LAMA2: variants seen among roughly 807,000 people sequenced by gnomAD.
The protein encoded by LAMA2 is laminin subunit alpha 2, also known as laminin subunit alpha-2.
Under a neutral mutation model 364.8 loss-of-function variants are expected in LAMA2, and 269 were observed. The ratio of observed to expected loss-of-function variants is 0.74; its 90% CI spans 0.67 to 0.82. The LOEUF is 0.82. Among genes scored for constraint, LAMA2 ranks in the 40% least tolerant of loss-of-function variants. The probability of loss-of-function intolerance (pLI) is 0.00; values close to 1 mark genes in which losing one functional copy is unlikely to be tolerated. For synonymous variants in LAMA2, 1,379 were observed against 1,370.6 expected (o/e 1.01, Z -0.14); for missense variants, 3,807 against 3,873.2 (o/e 0.98, Z 0.45).
At chr6:129,258,209 G>A (rs545345714) in intron 14 of LAMA2, among the ~76,000 whole-genome samples, 17 of 152,036 alleles carry the variant, frequency 1.1e-4, no homozygotes, top group South Asian at 1.0e-3. Flanking sequence ...TCAAAACCCC[G>A]TTGTGTTAAG....
At chr6:129,218,257 CTT>C (rs1017452214) in intron 12 of LAMA2, among the ~76,000 whole-genome samples, 1 of 152,088 alleles carries the variant, frequency 6.6e-6, no homozygotes, top group African/African-American at 2.4e-5. Context: ...TTCTTCTAGA[CTT>C]TTAATTTCTT....
At chr6:129,175,447 A>G (rs1164634610) in intron 9 of LAMA2, among the ~76,000 whole-genome samples, 1 of 152,236 alleles carries the variant, frequency 6.6e-6, no homozygotes, top group Non-Finnish European at 1.5e-5. Context: ...TGAGTCTTAG[A>G]AGTTTTGTTT....
intron 40 of LAMA2, among the ~76,000 whole-genome samples, chr6:129,424,462 A>G (rs1199945505): frequency 1.3e-5 from 2 of 152,068 alleles, no homozygotes; most frequent in African/African-American, 2.4e-5. Context: ...CTAGTAGAAT[A>G]TATTTCCAAA....
chr6:129,459,819 CATAA>C (rs1222270243), intron 48 of LAMA2, among the ~76,000 whole-genome samples: 3 of 151,954 alleles, frequency 2.0e-5, no homozygotes, highest in Non-Finnish European at 4.4e-5. Context: ...AGATTGGTGT[CATAA>C]ATAAATTATC....
At chr6:129,260,910 T>C (rs1261307430) in intron 15 of LAMA2, 88 bp downstream of exon 15, 31 of 811,788 alleles carry the variant, frequency 3.8e-5, no homozygotes, top group Non-Finnish European at 5.2e-5. Context: ...CTGTTTTTTT[T>C]CTATCAATAA....
chr6:128,897,935 T>C (rs1562808036), intron 1 of LAMA2, among the ~76,000 whole-genome samples: 2 of 152,194 alleles, frequency 1.3e-5, no homozygotes, highest in African/African-American at 4.8e-5. Flanking sequence ...CATCGAGAGT[T>C]TGAGTCCTAG....
At chr6:129,511,114 C>T (rs1786535003) in intron 62 of LAMA2, among the ~76,000 whole-genome samples, 1 of 152,100 alleles carries the variant, frequency 6.6e-6, no homozygotes, top group Non-Finnish European at 1.5e-5. Context: ...TTCTAATGTC[C>T]CTTGCCATCC....
intron 37 of LAMA2, among the ~76,000 whole-genome samples, chr6:129,400,790 C>G (rs1478026612): frequency 2.6e-5 from 4 of 152,162 alleles, no homozygotes; most frequent in African/African-American, 9.7e-5. Context: ...TTAAAAATCT[C>G]ACTTCAAATT....
chr6:129,366,145 A>G (rs1187982826), intron 32 of LAMA2, 74 bp from the exon 33 acceptor site: 2 of 1,491,548 alleles, frequency 1.3e-6, no homozygotes, highest in Admixed American at 1.7e-5. Flanking sequence ...AAAATATTTC[A>G]TAGCTGAATT....
intron 41 of LAMA2, among the ~76,000 whole-genome samples, chr6:129,433,377 C>A (rs1220836794): frequency 6.6e-6 from 1 of 152,152 alleles, no homozygotes; most frequent in Admixed American, 6.6e-5. Flanking sequence ...TTCTTTCCTA[C>A]CCAGGTCTCA....
At chr6:129,150,002 G>A (rs1404869897) in intron 7 of LAMA2, among the ~76,000 whole-genome samples, 1 of 151,996 alleles carries the variant, frequency 6.6e-6, no homozygotes, top group African/African-American at 2.4e-5. Context: ...GGATATTGAG[G>A]GATGGCTGTA....
At chr6:128,886,974 T>G (rs1776184080) in intron 1 of LAMA2, among the ~76,000 whole-genome samples, 1 of 152,202 alleles carries the variant, frequency 6.6e-6, no homozygotes, top group African/African-American at 2.4e-5. Context: ...ATTCTAATAT[T>G]ATAGTCTATT....
At chr6:128,914,952 A>C (rs530166226) in intron 1 of LAMA2, among the ~76,000 whole-genome samples, 72 of 152,272 alleles carry the variant, frequency 4.7e-4, no homozygotes, top group African/African-American at 1.7e-3. Flanking sequence ...TTACTTCTTC[A>C]AAAATGCTTT....
intron 4 of LAMA2, among the ~76,000 whole-genome samples, chr6:129,140,748 A>G (rs1046459722): frequency 6.6e-6 from 1 of 152,048 alleles, no homozygotes; most frequent in African/African-American, 2.4e-5. Context: ...GGAAAAAAAA[A>G]TACACACAAA....
intron 64 of LAMA2, 62 bp downstream of exon 64, chr6:129,514,657 A>G (rs1247844028): frequency 3.1e-6 from 4 of 1,277,258 alleles, no homozygotes; most frequent in Admixed American, 1.8e-5. Flanking sequence ...TTTTGAAAAC[A>G]TTTATATTTA....
intron 1 of LAMA2, among the ~76,000 whole-genome samples, chr6:129,008,015 A>C (rs1162030598): frequency 6.6e-6 from 1 of 152,190 alleles, no homozygotes; most frequent in African/African-American, 2.4e-5. Context: ...TACATCCTTG[A>C]GAAGCTTCCT....
intron 1 of LAMA2, among the ~76,000 whole-genome samples, chr6:128,896,155 C>G (rs1165032377): frequency 6.6e-6 from 1 of 151,812 alleles, no homozygotes; most frequent in Non-Finnish European, 1.5e-5. Flanking sequence ...ACAAATTGTG[C>G]AGAACTTTTT....
chr6:129,166,140 T>C (rs1779730269), intron 9 of LAMA2, among the ~76,000 whole-genome samples: 1 of 152,144 alleles, frequency 6.6e-6, no homozygotes, highest in Admixed American at 6.6e-5. Flanking sequence ...GCAAGAAGTG[T>C]TCATAAAGGA....
intron 20 of LAMA2, among the ~76,000 whole-genome samples, chr6:129,297,002 C>T (rs1055341752): frequency 6.6e-6 from 1 of 152,164 alleles, no homozygotes; most frequent in Non-Finnish European, 1.5e-5. Context: ...ATGAATAACT[C>T]ATCAGAGAAT....
Sources: allele counts gnomAD v4.1 joint callset (sites outside exome capture counted in the v4.1 genomes callset), GRCh38; gene constraint gnomAD v4.1.1; transcripts MANE v1.5; gene names NCBI Gene and HGNC (gene_info 2026-07-23, HGNC 2026-07-21).